SENP7: variants seen among roughly 807,000 people sequenced by gnomAD.
SENP7 encodes the protein sentrin-specific protease 7.
In SENP7, 64 loss-of-function variants were observed where a neutral mutation model predicts 141.2. That is an observed-to-expected ratio of 0.45 (90% CI 0.37 to 0.56). SENP7 has a LOEUF of 0.56. Ranked by LOEUF, SENP7 falls within the 20% of genes least tolerant of loss-of-function variation. SENP7 has a pLI of 0.00. For synonymous variants in SENP7, 382 were observed against 426.4 expected (o/e 0.90, Z 1.28); for missense variants, 1,025 against 1,212.2 (o/e 0.85, Z 2.29).
chr3:101,382,107 C>T (rs958778589), intron 6 of SENP7, among the ~76,000 whole-genome samples: 1 of 152,114 alleles, frequency 6.6e-6, no homozygotes, highest in Admixed American at 6.6e-5. Flanking sequence ...ATTACCAATC[C>T]CTGCTGAGTG....
In SENP7 at chr3:101,462,492, G is replaced by A. The variant is rs147420933; in HGVS notation, c.187-3440C>T. Among the ~76,000 whole-genome samples, 1,335 of 150,814 alleles carry A rather than the reference G, an allele frequency of 8.9e-3. 24 individuals carry two copies. Among genetic ancestry groups the A allele is most frequent in the African/African-American group, 0.03 (1,219 of 40,926 alleles). On this transcript the variant is annotated intron_variant, in intron 3 of 23. Coordinates refer to ENST00000394095, the MANE Select transcript of SENP7 (RefSeq NM_020654.5). The stretch of plus-strand genomic sequence containing the variant: ...GGAGGTGGAGGCTGGGGTGAGCCGA[G>A]ATCGCGCCATTACACTCCAGCCTGG...
At chr3:101,430,942 A>G (rs1313896414) in intron 4 of SENP7, among the ~76,000 whole-genome samples, 1 of 152,212 alleles carries the variant, frequency 6.6e-6, no homozygotes, top group African/African-American at 2.4e-5. Flanking sequence ...TTATTTACCC[A>G]GCAGTCATTC....
chr3:101,333,050 C>A, intron 17 of SENP7, 188 bp from the exon 18 acceptor site: 1 of 547,530 alleles, frequency 1.8e-6, no homozygotes, highest in Non-Finnish European at 3.0e-6. Flanking sequence ...AATTTAATAA[C>A]TATAAACAAT....
intron 20 of SENP7, among the ~76,000 whole-genome samples, chr3:101,329,956 G>GAAA (rs1203567505): frequency 7.0e-5 from 4 of 57,344 alleles, no homozygotes; most frequent in African/African-American, 2.0e-4. Context: ...CCATCACAAA[G>GAAA]AAAAAAAAAA....
chr3:101,389,423 T>A (rs956979453), intron 6 of SENP7, among the ~76,000 whole-genome samples: 4 of 151,936 alleles, frequency 2.6e-5, no homozygotes, highest in Admixed American at 1.3e-4. Flanking sequence ...TAGACACTTA[T>A]AAGAGAATCT....
intron 3 of SENP7, among the ~76,000 whole-genome samples, chr3:101,462,704 C>A (rs1261847110): frequency 1.3e-5 from 2 of 151,212 alleles, no homozygotes; most frequent in Non-Finnish European, 2.9e-5. Context: ...CCTGTCTCTA[C>A]TAAAAATACA....
chr3:101,423,888 C>G (rs1011916761), intron 4 of SENP7, among the ~76,000 whole-genome samples: 3 of 152,170 alleles, frequency 2.0e-5, no homozygotes, highest in Admixed American at 6.5e-5. Context: ...ACCACGGACA[C>G]TTCAGTTGGC....
intron 4 of SENP7, among the ~76,000 whole-genome samples, chr3:101,450,741 A>C (rs575152160): frequency 4.6e-5 from 7 of 152,326 alleles, no homozygotes; most frequent in Admixed American, 3.3e-4. Flanking sequence ...TATAGCACTA[A>C]ATGCTCACAA....
intron 6 of SENP7, 77 bp downstream of exon 6, chr3:101,398,784 G>C (rs2061046280): frequency 2.8e-6 from 3 of 1,052,910 alleles, no homozygotes; most frequent in Non-Finnish European, 4.1e-6. Context: ...TAGCAATAAT[G>C]TATCTGTGAA....
chr3:101,327,730 G>A lies in SENP7; in HGVS notation c.2951C>T (p.Pro984Leu), dbSNP rs1226348270. ...ACAATCACTGCTATTGTCCTGTTTAGGAACTTTAGGGCATAGATCCACCAT... is the reference window on the plus strand; with the variant it reads ...ACAATCACTGCTATTGTCCTGTTTAAGAACTTTAGGGCATAGATCCACCAT... Reference protein sequence around the residue: ...TNMVDLCPKVPKQDNSSDCGV... With the variant: ...TNMVDLCPKVLKQDNSSDCGV... The change falls in exon 23 of 24, where the codon CCT becomes CTT. Residue 984 changes from proline (P) to leucine (L), a missense_variant. Transcript: ENST00000394095. 5.0e-6 allele frequency: 8 copies of A among 1,611,760 alleles called. No individual in the cohort carries two copies. The South Asian group carries it at 8.8e-5, about 18-fold the overall frequency.
chr3:101,421,899 T>C (rs1429711571), intron 4 of SENP7, among the ~76,000 whole-genome samples: 1 of 152,176 alleles, frequency 6.6e-6, no homozygotes, highest in African/African-American at 2.4e-5. Flanking sequence ...GGATATATAC[T>C]TAGGTAACAA....
At chr3:101,413,405 T>C (rs773863910) in intron 5 of SENP7, among the ~76,000 whole-genome samples, 1 of 152,200 alleles carries the variant, frequency 6.6e-6, no homozygotes, top group Non-Finnish European at 1.5e-5. Flanking sequence ...TTACTGAGTA[T>C]ATAATTGGTT....
In SENP7 at chr3:101,328,654, C is replaced by G; in HGVS notation, c.2787G>C (p.Met929Ile). Reference protein sequence around the residue: ...TESNMSVPKKMCKRPCILILD... With the variant: ...TESNMSVPKKICKRPCILILD... ...TTACAGCATGTACCTACCTTTTACA[C>G]ATTTTCTTTGGTACTGACATATTCG... Residue 929 changes from methionine to isoleucine, a missense_variant, in exon 21 of 24, where the codon ATG (methionine) becomes ATC (isoleucine). By Grantham distance (10) the Met-to-Ile change is conservative. Around this residue, in one of 4 missense-constraint regions of SENP7, gnomAD observed 295 missense variants for 459.1 expected, o/e 0.64. Coordinates refer to ENST00000394095, the MANE Select transcript of SENP7 (RefSeq NM_020654.5). 2 of 1,609,054 alleles carry G rather than the reference C, an allele frequency of 1.2e-6. No individual in the cohort carries two copies. Among genetic ancestry groups the G allele is most frequent in the Non-Finnish European group, 8.5e-7 (1 of 1,177,184 alleles).
At chr3:101,392,838 G>A (rs2060853189) in intron 6 of SENP7, among the ~76,000 whole-genome samples, 1 of 152,172 alleles carries the variant, frequency 6.6e-6, no homozygotes, top group African/African-American at 2.4e-5. Flanking sequence ...TATAAAAATA[G>A]CTGGGTGTGG....
intron 4 of SENP7, among the ~76,000 whole-genome samples, chr3:101,451,724 G>A (rs2063143435): frequency 6.6e-6 from 1 of 152,110 alleles, no homozygotes; most frequent in Non-Finnish European, 1.5e-5. Flanking sequence ...AAAATAATAA[G>A]AGCTATCTAT....
chr3:101,497,592 C>G (rs1298493090), intron 2 of SENP7, among the ~76,000 whole-genome samples: 1 of 151,434 alleles, frequency 6.6e-6, no homozygotes, highest in East Asian at 1.9e-4. Flanking sequence ...ATACTTTGAC[C>G]AACAAATCTG....
chr3:101,454,884 A>C (rs1193393084), intron 4 of SENP7, among the ~76,000 whole-genome samples: 2 of 152,226 alleles, frequency 1.3e-5, no homozygotes, highest in African/African-American at 4.8e-5. Flanking sequence ...CTTTTGGAGC[A>C]TGATGGGATG....
intron 4 of SENP7, among the ~76,000 whole-genome samples, chr3:101,454,529 GA>G (rs1362893497): frequency 2.6e-5 from 4 of 151,716 alleles, no homozygotes; most frequent in African/African-American, 9.7e-5. Flanking sequence ...AAAAGAAAAA[GA>G]AAAAAGAAAA....
intron 5 of SENP7, among the ~76,000 whole-genome samples, chr3:101,399,780 C>A (rs185864117): frequency 3.6e-4 from 55 of 152,274 alleles, no homozygotes; most frequent in Non-Finnish European, 6.8e-4. Context: ...CACAAGCCAC[C>A]ACGCCCAGGT....
Sources: gnomAD v4.1 joint callset for allele counts (sites outside exome capture counted in the v4.1 genomes callset) on GRCh38, gnomAD v4.1.1 for gene constraint, gnomAD v4.1.1 regional missense constraint, MANE v1.5 for transcripts, NCBI Gene and HGNC (gene_info 2026-07-23, HGNC 2026-07-21) for gene names.